The following COL27A1 variants were observed in gnomAD, a reference collection of about 807,000 sequenced individuals.
COL27A1 encodes collagen alpha-1(XXVII) chain.
Under a neutral mutation model 251.3 loss-of-function variants are expected in COL27A1, and 106 were observed. The observed-to-expected ratio is 0.42, with a 90% CI of 0.36 to 0.50. The LOEUF is 0.50. Ranked by LOEUF, COL27A1 falls within the 20% of genes least tolerant of loss-of-function variation. The pLI is 0.00. For missense variants in COL27A1, 2,325 were observed against 2,522.8 expected (o/e 0.92, Z 1.68); for synonymous variants, 1,000 against 986.3 (o/e 1.01, Z -0.26).
chr9:114,225,655 G>A (rs184290896), intron 14 of COL27A1, among the ~76,000 whole-genome samples: 232 of 152,300 alleles, frequency 1.5e-3, no homozygotes, highest in Middle Eastern at 0.01. Flanking sequence ...AGTCACCTAC[G>A]GTTTTCCAGA....
chr9:114,301,965 C>A, intron 55 of COL27A1, 117 bp from the exon 56 acceptor site: 2 of 1,105,500 alleles, frequency 1.8e-6, no homozygotes, highest in Non-Finnish European at 2.7e-6. Flanking sequence ...TCCGGGAAAG[C>A]AGAGGCCAGC....
intron 49 of COL27A1, among the ~76,000 whole-genome samples, chr9:114,295,185 T>A (rs1247632804): frequency 6.6e-6 from 1 of 152,218 alleles, no homozygotes; most frequent in Non-Finnish European, 1.5e-5. Context: ...AAAGCAATAC[T>A]ACTTATAATA....
intron 14 of COL27A1, among the ~76,000 whole-genome samples, chr9:114,228,824 C>T (rs894178745): frequency 2.0e-5 from 3 of 152,012 alleles, no homozygotes; most frequent in Non-Finnish European, 4.4e-5. Context: ...ATTTCTTTCT[C>T]TCTCTTTTTT....
intron 5 of COL27A1, among the ~76,000 whole-genome samples, chr9:114,183,384 T>C (rs1384248581): frequency 6.6e-6 from 1 of 152,092 alleles, no homozygotes; most frequent in Non-Finnish European, 1.5e-5. Context: ...ACTAAGAACA[T>C]AAGGCTTACC....
chr9:114,163,521 C>T (rs1204690026), intron 2 of COL27A1, among the ~76,000 whole-genome samples: 3 of 152,194 alleles, frequency 2.0e-5, no homozygotes, highest in African/African-American at 7.2e-5. Context: ...TCCAGGGGGC[C>T]GGGGCAGCGA....
At chr9:114,261,420 G>C (rs2135574873) in intron 28 of COL27A1, among the ~76,000 whole-genome samples, 1 of 152,340 alleles carries the variant, frequency 6.6e-6, no homozygotes, top group South Asian at 2.1e-4. Context: ...AGCAGGACTG[G>C]GGAACCTGCG....
chr9:114,154,599 AT>A (rs891698827), upstream of COL27A1, among the ~76,000 whole-genome samples: 26 of 152,066 alleles, frequency 1.7e-4, no homozygotes, highest in African/African-American at 5.1e-4. This position sits in a 1 kb window ranked among gnomAD's most constrained non-coding sequence, Gnocchi z 5.8. Context: ...GATAGCGTGC[AT>A]TTGTGCCTGT....
At position 114,168,580 on chromosome 9, in the gene COL27A1, G is replaced by T; in HGVS notation, c.1025G>T (p.Gly342Val). The T allele has an allele frequency of 6.2e-7, 1 of 1,614,076 alleles. No individual in the cohort carries two copies. The highest frequency in any genetic ancestry group is 8.5e-7 in the Non-Finnish European group (1 of 1,179,974). The change falls in exon 3 of 61, where the codon GGC (glycine) becomes GTC (valine). Residue 342 changes from glycine to valine, a missense_variant. Coordinates refer to ENST00000356083, the MANE Select transcript of COL27A1 (RefSeq NM_032888.4). ...GATCCCATGCTCCCAGCCTCTGTTGGCGGCTCTACCAGAACGCCTCGCCCT... is the reference window on the plus strand; with the variant it reads ...GATCCCATGCTCCCAGCCTCTGTTGTCGGCTCTACCAGAACGCCTCGCCCT... ...ALDPMLPASV[G>V]GSTRTPRPAA...
At chr9:114,200,819 C>T (rs1829514795) in intron 7 of COL27A1, among the ~76,000 whole-genome samples, 1 of 152,280 alleles carries the variant, frequency 6.6e-6, no homozygotes, top group African/African-American at 2.4e-5. Context: ...GTGTGGGCTG[C>T]CCGGGAGGTA....
intron 37 of COL27A1, among the ~76,000 whole-genome samples, chr9:114,280,229 T>G (rs954541091): frequency 3.3e-5 from 5 of 152,088 alleles, no homozygotes; most frequent in African/African-American, 1.2e-4. Context: ...TTTTTTCTTT[T>G]GAGACACAGT....
chr9:114,292,897 A>G (rs1416892997), intron 49 of COL27A1, among the ~76,000 whole-genome samples: 1 of 152,262 alleles, frequency 6.6e-6, no homozygotes, highest in South Asian at 2.1e-4. Context: ...TCAAAATAGC[A>G]TAAGAATCAT....
intron 55 of COL27A1, 89 bp from the exon 56 acceptor site, chr9:114,301,993 C>A: frequency 7.6e-7 from 1 of 1,317,530 alleles, no homozygotes; most frequent in Non-Finnish European, 1.1e-6. Context: ...GTCCTGCATG[C>A]TTTGATGGTC....
chr9:114,282,539 G>A lies in COL27A1; in HGVS notation c.3854G>A (p.Gly1285Glu). The change falls in exon 39 of 61, where the codon GGG (glycine) becomes GAG (glutamate). Residue 1285 changes from glycine to glutamate, a missense_variant. Gly to Glu is a moderately conservative substitution (Grantham distance 98, BLOSUM62 -2). Transcript: ENST00000356083. ...CCCCCTGGCACTCCAGGCCCTAAAGGGTCCCGGGGCAGCCTGGGACCAACG... is the reference window on the plus strand; with the variant it reads ...CCCCCTGGCACTCCAGGCCCTAAAGAGTCCCGGGGCAGCCTGGGACCAACG... ...PGPPGTPGPK[G>E]SRGSLGPTGA... 2 of 1,541,684 alleles carry A rather than the reference G, an allele frequency of 1.3e-6. No individual in the cohort carries two copies. Among genetic ancestry groups the A allele is most frequent in the Non-Finnish European group, 1.7e-6 (2 of 1,147,626 alleles).
intron 4 of COL27A1, among the ~76,000 whole-genome samples, chr9:114,180,689 A>C (rs762223681): frequency 6.6e-6 from 1 of 151,994 alleles, no homozygotes; most frequent in Non-Finnish European, 1.5e-5. Flanking sequence ...ACCTCCACAT[A>C]TTCCCCCAGC....
At chr9:114,266,533 C>T in intron 32 of COL27A1, 32 bp from the exon 33 acceptor site, 1 of 1,607,520 alleles carries the variant, frequency 6.2e-7, no homozygotes, top group Non-Finnish European at 8.5e-7. Flanking sequence ...GCTGACCTCT[C>T]CCAACTGTCT....
intron 14 of COL27A1, among the ~76,000 whole-genome samples, chr9:114,226,308 A>C (rs1410187539): frequency 6.6e-6 from 1 of 152,118 alleles, no homozygotes; most frequent in Non-Finnish European, 1.5e-5. Flanking sequence ...ATACCCCACC[A>C]CCTGGCATGC....
Position 114,258,557 on chromosome 9 carries a change from G to A in COL27A1, c.3158G>A (p.Arg1053Gln), listed in dbSNP as rs375623515. The A allele has an allele frequency of 2.0e-5, 32 of 1,613,960 alleles. 1 individual carries two copies. The East Asian group carries it at 2.5e-4, about 12-fold the overall frequency. Residue 1053 changes from arginine (R) to glutamine (Q), a missense_variant, in exon 28 of 61, where the codon CGA becomes CAA. Physicochemically the swap from Arg to Gln is conservative, Grantham distance 43. Transcript: ENST00000356083. ...EPGPQGPPGS[R>Q]GPPGMRGAKG... Reference sequence around the variant, plus strand: ...TCTTCCCAGGGTCCTCCAGGATCTCGAGGCCCACCAGGCATGAGGGGAGCA... The same window carrying A: ...TCTTCCCAGGGTCCTCCAGGATCTCAAGGCCCACCAGGCATGAGGGGAGCA...
intron 3 of COL27A1, among the ~76,000 whole-genome samples, chr9:114,173,920 T>A (rs1849507452): frequency 6.6e-6 from 1 of 150,892 alleles, no homozygotes; most frequent in South Asian, 2.1e-4. Flanking sequence ...GGAGCCTGAA[T>A]GGATAAGAGT....
At chr9:114,175,244 G>T (rs1564429597) in intron 3 of COL27A1, among the ~76,000 whole-genome samples, 4 of 152,220 alleles carry the variant, frequency 2.6e-5, no homozygotes, top group Admixed American at 2.6e-4. Flanking sequence ...CCCCCGCTCT[G>T]CTCCCCCTCA....
Sources: gnomAD v4.1 joint callset for allele counts (sites outside exome capture counted in the v4.1 genomes callset) on GRCh38, gnomAD v4.1.1 for gene constraint, Gnocchi (gnomAD v3.1) non-coding constraint, MANE v1.5 for transcripts, NCBI Gene and HGNC (gene_info 2026-07-23, HGNC 2026-07-21) for gene names.